Variants in UIMC1 observed in about 807,000 individuals in gnomAD.
The protein encoded by UIMC1 is ubiquitin interaction motif containing 1, also known as BRCA1-A complex subunit RAP80.
Under a neutral mutation model 84.9 loss-of-function variants are expected in UIMC1, and 42 were observed. The observed-to-expected ratio is 0.49, with a 90% CI of 0.39 to 0.64. The LOEUF (loss-of-function observed/expected upper bound fraction) is 0.64. Among genes scored for constraint, UIMC1 ranks in the 30% least tolerant of loss-of-function variants. UIMC1 has a pLI of 0.00. For missense variants in UIMC1, 825 were observed against 847.6 expected (o/e 0.97, Z 0.33); for synonymous variants, 281 against 293.0 (o/e 0.96, Z 0.42).
chr5:176,988,135 A>G (rs1462410105), intron 1 of UIMC1, among the ~76,000 whole-genome samples: 2 of 151,156 alleles, frequency 1.3e-5, no homozygotes, highest in Admixed American at 6.6e-5. Context: ...CTGTCCAAAA[A>G]AAAAAAAAAA....
intron 10 of UIMC1, among the ~76,000 whole-genome samples, chr5:176,911,824 CTGAAAAGTTCT>C (rs1760255354): frequency 6.6e-6 from 1 of 152,150 alleles, no homozygotes; most frequent in South Asian, 2.1e-4. Flanking sequence ...TTACAAAACT[CTGAAAAGTTCT>C]GCAGTGAGAA....
At chr5:177,016,859 C>A (rs1379569806) in intron 1 of UIMC1, among the ~76,000 whole-genome samples, 1 of 151,604 alleles carries the variant, frequency 6.6e-6, no homozygotes. Flanking sequence ...CCCGTCTCTA[C>A]TAAAATTACA....
At position 176,969,296 on chromosome 5, in the gene UIMC1, AGGTATTTG is replaced by A; in HGVS notation, c.464-13_464-6del. On this transcript the variant is annotated splice_polypyrimidine_tract_variant and splice_region_variant and intron_variant, in intron 5 of 14. Coordinates refer to ENST00000511320, the MANE Select transcript of UIMC1 (RefSeq NM_001199298.2). ...GAGGTACCAGCTGCCATATGCCTGTAGGTATTTGAGAAAAAGTAGGGCTAAGGACAAAC... is the reference window on the plus strand; with the variant it reads ...GAGGTACCAGCTGCCATATGCCTGTAAGAAAAAGTAGGGCTAAGGACAAAC... 6.3e-7 allele frequency: 1 copy of A among 1,592,730 alleles called. No homozygotes were observed. Among genetic ancestry groups the A allele is most frequent in the Admixed American group, 1.8e-5 (1 of 54,478 alleles).
rs532992419 is a variant in UIMC1, at chr5:176,991,380, G to A, written c.-8-8757C>T. Among the ~76,000 whole-genome samples the A allele has an allele frequency of 3.9e-5, 6 of 151,958 alleles. No homozygotes were observed. In the South Asian group the frequency reaches 1.0e-3, roughly 26 times the overall value. On this transcript the variant is annotated intron_variant, in intron 1 of 14. Transcript: ENST00000511320. Reference sequence around the variant, plus strand: ...ACTACCATAATGAAGACTACCCAAAGAGCAAATCTCTTTGGGGAGAAACAG... The same window carrying A: ...ACTACCATAATGAAGACTACCCAAAAAGCAAATCTCTTTGGGGAGAAACAG...
chr5:177,009,221 C>G (rs1021266282), upstream of UIMC1, among the ~76,000 whole-genome samples: 19 of 151,910 alleles, frequency 1.3e-4, no homozygotes, highest in African/African-American at 4.1e-4. The surrounding 1 kb of genome is among the most constrained non-coding windows in gnomAD (Gnocchi z 4.3). Context: ...TGTGCCCAGG[C>G]TGGTCTCAAA....
chr5:177,009,929 G>A (rs567338460), upstream of UIMC1, among the ~76,000 whole-genome samples: 6 of 152,166 alleles, frequency 3.9e-5, no homozygotes, highest in South Asian at 2.1e-4. This position sits in a 1 kb window ranked among gnomAD's most constrained non-coding sequence, Gnocchi z 4.3. Context: ...CCAGCTACTC[G>A]AGAGGCTGAG....
intron 9 of UIMC1, among the ~76,000 whole-genome samples, chr5:176,947,478 A>C (rs1438217703): frequency 6.6e-6 from 1 of 152,092 alleles, no homozygotes; most frequent in African/African-American, 2.4e-5. Context: ...TGTATCTCCT[A>C]ATGCTATCCC....
At chr5:176,908,945 G>T (rs1170844330) in intron 11 of UIMC1, among the ~76,000 whole-genome samples, 1 of 152,220 alleles carries the variant, frequency 6.6e-6, no homozygotes, top group Admixed American at 6.5e-5. Flanking sequence ...GGATGGTAAT[G>T]AAATCAGCTC....
chr5:176,997,733 T>C (rs1230746476), intron 1 of UIMC1, among the ~76,000 whole-genome samples: 1 of 151,880 alleles, frequency 6.6e-6, no homozygotes, highest in Non-Finnish European at 1.5e-5. Context: ...CCACTATTTT[T>C]ATAGTTAGGA....
chr5:176,956,406 A>G (rs76896635), intron 7 of UIMC1, among the ~76,000 whole-genome samples: 90 of 152,334 alleles, frequency 5.9e-4, no homozygotes, highest in African/African-American at 2.1e-3. Context: ...TGAAGGCTAG[A>G]GATTTGTAAA....
At chr5:176,941,372 TC>T (rs1764405192) in intron 10 of UIMC1, among the ~76,000 whole-genome samples, 1 of 152,156 alleles carries the variant, frequency 6.6e-6, no homozygotes, top group South Asian at 2.1e-4. Flanking sequence ...TATAGCATGG[TC>T]CCGTTTATGT....
intron 10 of UIMC1, among the ~76,000 whole-genome samples, chr5:176,928,767 T>A (rs914715754): frequency 6.6e-6 from 1 of 150,998 alleles, no homozygotes. Context: ...CTGGCTAACA[T>A]GGTGAAACCC....
chr5:176,910,458 T>A (rs555653009), intron 11 of UIMC1, among the ~76,000 whole-genome samples: 247 of 152,350 alleles, frequency 1.6e-3, no homozygotes, highest in African/African-American at 5.7e-3. Context: ...CTGACAATTA[T>A]TACCTATAAG....
At chr5:176,982,383 G>A in intron 2 of UIMC1, 86 bp downstream of exon 2, 1 of 1,472,944 alleles carries the variant, frequency 6.8e-7, no homozygotes, top group Non-Finnish European at 9.1e-7. Context: ...GCATTAAGGT[G>A]AAGTCAGTCA....
chr5:176,927,214 A>G (rs1358939369), intron 10 of UIMC1, among the ~76,000 whole-genome samples: 1 of 134,734 alleles, frequency 7.4e-6, no homozygotes, highest in African/African-American at 2.8e-5. Context: ...AAGAAAAAAA[A>G]AAAAAAAAAA....
intron 10 of UIMC1, among the ~76,000 whole-genome samples, chr5:176,933,889 A>G (rs1324790758): frequency 6.6e-6 from 1 of 152,152 alleles, no homozygotes; most frequent in African/African-American, 2.4e-5. Context: ...GTCATGCCCA[A>G]TATTAGGGGA....
At chr5:176,905,791 A>G (rs1759283835) in intron 14 of UIMC1, 4 of 634,298 alleles carry the variant, frequency 6.3e-6, no homozygotes, top group African/African-American at 1.8e-5. Flanking sequence ...AGAATAAGAC[A>G]TAACTTTCAC....
Position 176,990,375 on chromosome 5 carries a change from C to A in UIMC1, c.-8-7752G>T, listed in dbSNP as rs558134715. The stretch of plus-strand genomic sequence containing the variant: ...CACAGTGCAAGCCCTCATCAGGCAC[C>A]TTGATCTTACATTTACCAGACTTCA... On this transcript the variant is annotated intron_variant, in intron 1 of 14. Coordinates refer to ENST00000511320, the MANE Select transcript of UIMC1 (RefSeq NM_001199298.2). Among the ~76,000 whole-genome samples the A allele has an allele frequency of 9.2e-5, 14 of 151,978 alleles. No individual in the cohort carries two copies. In the South Asian group the frequency reaches 2.1e-3, roughly 23 times the overall value.
At chr5:177,010,254 G>T (rs993883605), upstream of UIMC1, among the ~76,000 whole-genome samples, 1 of 152,092 alleles carries the variant, frequency 6.6e-6, no homozygotes, top group South Asian at 2.1e-4. Flanking sequence ...GTATCATCAC[G>T]CATAGACCTC....
Sources: allele counts gnomAD v4.1 joint callset (sites outside exome capture counted in the v4.1 genomes callset), GRCh38; gene constraint gnomAD v4.1.1; non-coding constraint Gnocchi (gnomAD v3.1); transcripts MANE v1.5; gene names NCBI Gene and HGNC (gene_info 2026-07-23, HGNC 2026-07-21).